Variants in TTC21B observed in about 807,000 individuals in gnomAD.
The protein encoded by TTC21B is tetratricopeptide repeat domain 21B.
In TTC21B, 127 loss-of-function variants were observed where a neutral mutation model predicts 175.1. That is an observed-to-expected ratio of 0.73 (90% CI 0.63 to 0.84). The LOEUF (loss-of-function observed/expected upper bound fraction) is 0.84, where lower values mean the gene tolerates loss of function less well. Ranked by LOEUF, TTC21B falls within the 40% of genes least tolerant of loss-of-function variation. The pLI is 0.00. For missense variants in TTC21B, 1,561 were observed against 1,558.3 expected, an observed-to-expected ratio of 1.00 and a Z score of -0.03; for synonymous variants, 524 against 524.5, an observed-to-expected ratio of 1.00 and a Z score of 0.01.
chr2:165,916,066 T>C (rs1010594634), intron 14 of TTC21B, among the ~76,000 whole-genome samples: 2 of 152,170 alleles, frequency 1.3e-5, no homozygotes, highest in African/African-American at 4.8e-5. Flanking sequence ...GTGGATCACT[T>C]AAGCCCAGTA....
chr2:165,936,166 T>C (rs1406663849), intron 6 of TTC21B, among the ~76,000 whole-genome samples: 3 of 152,160 alleles, frequency 2.0e-5, no homozygotes, highest in Middle Eastern at 3.4e-3. Flanking sequence ...CCCACATAGA[T>C]AGTAAACTGA....
intron 6 of TTC21B, among the ~76,000 whole-genome samples, chr2:165,940,721 T>C (rs1687332120): frequency 6.6e-6 from 1 of 152,194 alleles, no homozygotes; most frequent in African/African-American, 2.4e-5. Context: ...TCTAACATAC[T>C]ACACAATATA....
Position 165,919,320 on chromosome 2 carries a change from A to G in TTC21B, c.1630T>C (p.Leu544=), listed in dbSNP as rs1686299317. ...QVYLSQEKVK[L]CSQSLELCLS... Reference sequence around the variant, plus strand: ...CAAAGTTCAAGAGACTGAGAACACAATTTGACTTTTTCTTGAGACAAGTAA... The same window carrying G: ...CAAAGTTCAAGAGACTGAGAACACAGTTTGACTTTTTCTTGAGACAAGTAA... The change falls in exon 13 of 29, where the codon TTG becomes CTG. Residue 544 remains leucine (L), a synonymous_variant. Transcript: ENST00000243344. The G allele has an allele frequency of 6.2e-7, 1 of 1,614,006 alleles. No homozygotes were observed. Among genetic ancestry groups the G allele is most frequent in the Non-Finnish European group, 8.5e-7 (1 of 1,180,004 alleles).
chr2:165,905,449 A>C (rs778303491), intron 19 of TTC21B, among the ~76,000 whole-genome samples: 9 of 152,152 alleles, frequency 5.9e-5, no homozygotes, highest in Non-Finnish European at 1.0e-4. Flanking sequence ...AAAGTAAAAG[A>C]ATGCAGGAGA....
At chr2:165,951,987 C>T (rs957262313) in intron 1 of TTC21B, among the ~76,000 whole-genome samples, 23 of 151,990 alleles carry the variant, frequency 1.5e-4, no homozygotes, top group African/African-American at 4.8e-4. Flanking sequence ...CATTCTCCCT[C>T]CACACACGTA....
At chr2:165,927,321 AT>A (rs1686708794) in intron 11 of TTC21B, among the ~76,000 whole-genome samples, 2 of 53,550 alleles carry the variant, frequency 3.7e-5, no homozygotes, top group Non-Finnish European at 9.3e-5. Flanking sequence ...ATATTATATA[AT>A]ATATATATAA....
At chr2:165,924,948 G>C (rs1686573652) in intron 11 of TTC21B, among the ~76,000 whole-genome samples, 1 of 135,788 alleles carries the variant, frequency 7.4e-6, no homozygotes, top group African/African-American at 2.5e-5. Context: ...AACATATCAA[G>C]TGGGTATTAT....
At chr2:165,903,252 C>T (rs1281365431) in intron 19 of TTC21B, among the ~76,000 whole-genome samples, 1 of 151,926 alleles carries the variant, frequency 6.6e-6, no homozygotes, top group Admixed American at 6.6e-5. Flanking sequence ...GTAGTTACAC[C>T]CTGGTGAGTT....
chr2:165,906,682 C>T (rs1447894926), intron 19 of TTC21B, among the ~76,000 whole-genome samples: 2 of 152,036 alleles, frequency 1.3e-5, no homozygotes, highest in Admixed American at 6.5e-5. Context: ...CGGTGGCTCA[C>T]GCCTGTAATC....
intron 1 of TTC21B, among the ~76,000 whole-genome samples, chr2:165,950,695 C>A (rs1284169987): frequency 6.6e-6 from 1 of 152,192 alleles, no homozygotes; most frequent in African/African-American, 2.4e-5. Context: ...ACTGCAATCT[C>A]TGCCCCCTAG....
chr2:165,919,242 A>G, intron 13 of TTC21B, 34 bp downstream of exon 13: 1 of 1,610,076 alleles, frequency 6.2e-7, no homozygotes, highest in South Asian at 1.1e-5. Context: ...AAGGAGGGTG[A>G]TATGTCTTAT....
chr2:165,880,658 C>A (rs1485339547), intron 27 of TTC21B, 21 bp downstream of exon 27: 2 of 1,612,850 alleles, frequency 1.2e-6, no homozygotes, highest in Admixed American at 3.3e-5. Flanking sequence ...TGTGAAAAAT[C>A]TAGGTGATTG....
chr2:165,894,422 C>T (rs371106740), intron 22 of TTC21B, among the ~76,000 whole-genome samples: 41 of 152,142 alleles, frequency 2.7e-4, no homozygotes, highest in African/African-American at 9.9e-4. Flanking sequence ...ATAATGTACA[C>T]ATAAAATGAA....
At position 165,883,954 on chromosome 2, in the gene TTC21B, C is replaced by T. The variant is rs987977269; in HGVS notation, c.3524G>A (p.Arg1175Gln). ...TAYMILKQTPRARNQLKRIAK... is the reference protein window; with the variant it reads ...TAYMILKQTPQARNQLKRIAK... Reference sequence around the variant, plus strand: ...AATACGCTTCAGCTGGTTTCTGGCTCGTGGAGTCTGTTTCAAGATCATATA... The same window carrying T: ...AATACGCTTCAGCTGGTTTCTGGCTTGTGGAGTCTGTTTCAAGATCATATA... The change falls in exon 26 of 29, where the codon CGA (arginine) becomes CAA (glutamine). Residue 1175 changes from arginine to glutamine, a missense_variant. Physicochemically the swap from Arg to Gln is conservative, Grantham distance 43 (BLOSUM62 1). Transcript: ENST00000243344. 1.5e-5 allele frequency: 25 copies of T among 1,613,964 alleles called. No individual in the cohort carries two copies. The highest frequency in any genetic ancestry group is 4.0e-5 in the African/African-American group (3 of 74,900).
chr2:165,926,464 C>A (rs1686632128), intron 11 of TTC21B, among the ~76,000 whole-genome samples: 1 of 152,136 alleles, frequency 6.6e-6, no homozygotes, highest in South Asian at 2.1e-4. Flanking sequence ...TCTGACTACT[C>A]TCCTCCTCCT....
At chr2:165,927,014 A>C (rs1473202797) in intron 11 of TTC21B, among the ~76,000 whole-genome samples, 2 of 113,004 alleles carry the variant, frequency 1.8e-5, no homozygotes, top group Admixed American at 9.3e-5. Flanking sequence ...ATATATATAT[A>C]TATCTCCTAG....
chr2:165,901,809 A>C lies in TTC21B; in HGVS notation c.2670T>G (p.Ile890Met). 1 of 1,614,162 alleles carries C rather than the reference A, an allele frequency of 6.2e-7. No individual in the cohort carries two copies. The highest frequency in any genetic ancestry group is 8.5e-7 in the Non-Finnish European group (1 of 1,180,018). The change falls in exon 20 of 29, where the codon ATT (isoleucine) becomes ATG (methionine). Residue 890 changes from isoleucine (I) to methionine (M), a missense_variant. Physicochemically the swap from Ile to Met is conservative, Grantham distance 10 (BLOSUM62 1). Transcript: ENST00000243344. Reference sequence around the variant, plus strand: ...CTCGCTGAGCAACAGAATGTTTTGCAATCTCTGCACAAATTTCAGCTGCTA... The same window carrying C: ...CTCGCTGAGCAACAGAATGTTTTGCCATCTCTGCACAAATTTCAGCTGCTA... ...KHLAAEICAE[I>M]AKHSVAQRDY...
At chr2:165,910,808 G>A (rs1574093136) in intron 18 of TTC21B, among the ~76,000 whole-genome samples, 1 of 151,730 alleles carries the variant, frequency 6.6e-6, no homozygotes, top group Non-Finnish European at 1.5e-5. Flanking sequence ...CACGTATGTG[G>A]AAAAAATTGC....
At position 165,899,876 on chromosome 2, in the gene TTC21B, A is replaced by G. The variant is rs772869629; in HGVS notation, c.2762T>C (p.Met921Thr). The change falls in exon 21 of 29, where the codon ATG becomes ACG. Residue 921 changes from methionine to threonine, a missense_variant. Coordinates refer to ENST00000243344, the MANE Select transcript of TTC21B (RefSeq NM_024753.5). ...LVHCETDNKI[M>T]LELARLYLAQ... Reference sequence around the variant, plus strand: ...CAGGTATAATCGTGCCAGTTCCAACATAATCTGTAGAGCAAAGGGCTAGAT... The same window carrying G: ...CAGGTATAATCGTGCCAGTTCCAACGTAATCTGTAGAGCAAAGGGCTAGAT... 1 of 1,606,452 alleles carries G rather than the reference A, an allele frequency of 6.2e-7. No homozygotes were observed. The highest frequency in any genetic ancestry group is 1.1e-5 in the South Asian group (1 of 90,926).
Sources: allele counts gnomAD v4.1 joint callset (sites outside exome capture counted in the v4.1 genomes callset), GRCh38; gene constraint gnomAD v4.1.1; transcripts MANE v1.5; gene names NCBI Gene and HGNC (gene_info 2026-07-23, HGNC 2026-07-21).